Variants in ZFAND6 observed in about 807,000 individuals in gnomAD.
ZFAND6 encodes the protein zinc finger AN1-type containing 6.
In ZFAND6, 12 loss-of-function variants were observed where a neutral mutation model predicts 24.5. The observed-to-expected ratio is 0.49, with a 90% CI of 0.31 to 0.79. The LOEUF (loss-of-function observed/expected upper bound fraction) is 0.79, where lower values mean the gene tolerates loss of function less well. ZFAND6 is among the 30% of genes least tolerant of loss of function. The probability of loss-of-function intolerance (pLI) is 0.04; values close to 1 mark genes in which losing one functional copy is unlikely to be tolerated. For missense variants in ZFAND6, 207 were observed against 245.9 expected, an observed-to-expected ratio of 0.84 and a Z score of 1.06; for synonymous variants, 92 against 81.5, an observed-to-expected ratio of 1.13 and a Z score of -0.69.
chr15:80,071,052 A>G (rs1187763780), intron 1 of ZFAND6, among the ~76,000 whole-genome samples: 1 of 152,094 alleles, frequency 6.6e-6, no homozygotes. Flanking sequence ...GGCTCTTTCA[A>G]TTTGTCCACT....
intron 5 of ZFAND6, chr15:80,129,760 A>T (rs2040515392): frequency 6.6e-6 from 1 of 152,208 alleles, no homozygotes; most frequent in African/African-American, 2.4e-5. Flanking sequence ...TCCCACCCCA[A>T]GGTTGTTGGA....
chr15:80,095,263 A>C (rs960057403), intron 1 of ZFAND6, among the ~76,000 whole-genome samples: 6 of 152,186 alleles, frequency 3.9e-5, no homozygotes, highest in African/African-American at 1.4e-4. Context: ...AGTGTATCTA[A>C]TGTGTTCTCA....
intron 1 of ZFAND6, among the ~76,000 whole-genome samples, chr15:80,092,791 ATTATT>A (rs1373529111): frequency 1.3e-5 from 2 of 152,302 alleles, no homozygotes; most frequent in Admixed American, 1.3e-4. Context: ...AAAAATAGCT[ATTATT>A]TTGAGCATTT....
rs575995481 is a variant in ZFAND6, at chr15:80,073,231, TCTTA to T, written c.-181+13426_-181+13429del. On this transcript the variant is annotated intron_variant, in intron 1 of 6. Transcript: ENST00000261749. Reference sequence around the variant, plus strand: ...GATGAACAAAGTGAAACTGCTTTCTTCTTACTTCATTCAAACTCTTCATTTCTTT... The same window carrying T: ...GATGAACAAAGTGAAACTGCTTTCTTCTTCATTCAAACTCTTCATTTCTTT... The T allele has an allele frequency of 3.7e-3, 954 of 254,554 alleles. 7 individuals carry two copies. Among genetic ancestry groups the T allele is most frequent in the Admixed American group, 7.3e-3 (143 of 19,472 alleles). The allele number at this position is 254,554 out of a possible 1,614,324, so 15.8% of individuals were successfully genotyped here.
chr15:80,135,231 T>G (rs2040804919), intron 6 of ZFAND6, among the ~76,000 whole-genome samples: 1 of 152,232 alleles, frequency 6.6e-6, no homozygotes, highest in Non-Finnish European at 1.5e-5. Context: ...CTAGCTTACT[T>G]TATTATAAGA....
chr15:80,062,024 T>G (rs895255523), intron 1 of ZFAND6, among the ~76,000 whole-genome samples: 1 of 152,212 alleles, frequency 6.6e-6, no homozygotes, highest in African/African-American at 2.4e-5. Flanking sequence ...TACTTTGAAG[T>G]CACATTGTAA....
chr15:80,104,635 A>G (rs1278398709), intron 2 of ZFAND6, among the ~76,000 whole-genome samples: 1 of 152,220 alleles, frequency 6.6e-6, no homozygotes, highest in Non-Finnish European at 1.5e-5. Context: ...TGTAAACTAT[A>G]GATGAAATCC....
At chr15:80,077,985 C>T (rs1177044898) in intron 1 of ZFAND6, among the ~76,000 whole-genome samples, 3 of 152,100 alleles carry the variant, frequency 2.0e-5, no homozygotes, top group Non-Finnish European at 4.4e-5. Flanking sequence ...AGGTGTGAGC[C>T]ACCGCGCCCG....
chr15:80,073,478 A>G (rs2037092777), intron 1 of ZFAND6: 2 of 181,000 alleles, frequency 1.1e-5, no homozygotes, highest in Non-Finnish European at 2.4e-5. Flanking sequence ...AAATTAAGGT[A>G]TAAATTGCAA....
intron 1 of ZFAND6, among the ~76,000 whole-genome samples, chr15:80,089,475 T>C (rs776234331): frequency 2.6e-5 from 4 of 151,994 alleles, no homozygotes; most frequent in Admixed American, 1.3e-4. Flanking sequence ...AGGCTGATGT[T>C]GAACTCCTGG....
chr15:80,099,036 T>C (rs1484703234), intron 2 of ZFAND6, among the ~76,000 whole-genome samples: 1 of 152,028 alleles, frequency 6.6e-6, no homozygotes, highest in African/African-American at 2.4e-5. Context: ...TTTTAAAAGC[T>C]AATATTTTAA....
At chr15:80,060,668 A>G (rs2036281493) in intron 1 of ZFAND6, 1 of 152,308 alleles carries the variant, frequency 6.6e-6, no homozygotes, top group Non-Finnish European at 1.5e-5. Flanking sequence ...CAACGCCTGT[A>G]ATCCCAGCAC....
At chr15:80,091,225 GGTGATT>G (rs2038347691) in intron 1 of ZFAND6, among the ~76,000 whole-genome samples, 1 of 151,336 alleles carries the variant, frequency 6.6e-6, no homozygotes, top group African/African-American at 2.4e-5. Context: ...CACCCTATTA[GGTGATT>G]TTATATCAGA....
At chr15:80,082,664 A>C (rs746598834) in intron 1 of ZFAND6, among the ~76,000 whole-genome samples, 1 of 152,252 alleles carries the variant, frequency 6.6e-6, no homozygotes, top group Non-Finnish European at 1.5e-5. Context: ...AAAGATTGAC[A>C]GATGGATATA....
intron 2 of ZFAND6, among the ~76,000 whole-genome samples, chr15:80,119,115 T>C (rs2040031268): frequency 1.3e-5 from 2 of 152,158 alleles, no homozygotes; most frequent in African/African-American, 4.8e-5. Flanking sequence ...TGTCATGTTA[T>C]TCATGCCAAA....
At chr15:80,060,025 C>T (rs1296425510) in intron 1 of ZFAND6, 1 of 151,412 alleles carries the variant, frequency 6.6e-6, no homozygotes, top group Non-Finnish European at 1.5e-5. Flanking sequence ...GGGGTGGGGG[C>T]CGGAGATCGG....
At chr15:80,110,075 C>T (rs141158266) in intron 2 of ZFAND6, among the ~76,000 whole-genome samples, 43 of 152,282 alleles carry the variant, frequency 2.8e-4, no homozygotes, top group South Asian at 8.3e-4. Flanking sequence ...TGTGAAATGG[C>T]CCTCAGCTTC....
chr15:80,080,701 C>T (rs1286010722), intron 1 of ZFAND6, among the ~76,000 whole-genome samples: 1 of 152,182 alleles, frequency 6.6e-6, no homozygotes, highest in Non-Finnish European at 1.5e-5. Flanking sequence ...CATGGTTCTT[C>T]AGGCTGTGCA....
At chr15:80,126,170 T>C (rs989446395) in intron 5 of ZFAND6, among the ~76,000 whole-genome samples, 19 of 152,238 alleles carry the variant, frequency 1.2e-4, no homozygotes, top group Admixed American at 1.2e-3. Flanking sequence ...TCAGGCTCTT[T>C]CCTACTCTGA....
Sources: allele counts gnomAD v4.1 joint callset (sites outside exome capture counted in the v4.1 genomes callset), GRCh38; gene constraint gnomAD v4.1.1; transcripts MANE v1.5; gene names NCBI Gene and HGNC (gene_info 2026-07-23, HGNC 2026-07-21).